TMEM260: variants seen among roughly 807,000 people sequenced by gnomAD.
The protein encoded by TMEM260 is protein O-mannosyl-transferase TMEM260.
In TMEM260, 82 loss-of-function variants were observed where a neutral mutation model predicts 88.9. The observed-to-expected ratio is 0.92, with a 90% confidence interval of 0.77 to 1.11. The LOEUF (loss-of-function observed/expected upper bound fraction) is 1.11. TMEM260 is among the 50% of genes least tolerant of loss of function. TMEM260 has a pLI of 0.00. For synonymous variants in TMEM260, 314 were observed against 309.3 expected (o/e 1.02, Z -0.16); for missense variants, 902 against 853.4 (o/e 1.06, Z -0.71).
chr14:56,619,064 A>G (rs1202813914), intron 10 of TMEM260, among the ~76,000 whole-genome samples: 1 of 152,226 alleles, frequency 6.6e-6, no homozygotes, highest in African/African-American at 2.4e-5. Flanking sequence ...GTAAAATTCC[A>G]TGACCTAAAA....
At position 56,634,944 on chromosome 14, in the gene TMEM260, G is replaced by A; in HGVS notation, c.1770G>A (p.Trp590Ter). 1 of 1,614,052 alleles carries A rather than the reference G, an allele frequency of 6.2e-7. No homozygotes were observed. Among genetic ancestry groups the A allele is most frequent in the Non-Finnish European group, 8.5e-7 (1 of 1,179,958 alleles). Residue 590 changes from tryptophan (W) to a stop codon, truncating the protein, a stop_gained, in exon 14 of 16, where the codon TGG becomes TGA. Coordinates refer to ENST00000261556, the MANE Select transcript of TMEM260 (RefSeq NM_017799.4). LOFTEE classifies it high-confidence loss of function. ...AATCTGTGGCCAATGAAGAAATGTG[G>A]CAAGCGAGGTGACTATTCTACATTT... Reference protein sequence around the residue: ...SWESVANEEMWQARMKTPFFI... With the variant: ...SWESVANEEM
intron 15 of TMEM260, among the ~76,000 whole-genome samples, chr14:56,639,932 G>T (rs992401103): frequency 1.3e-5 from 2 of 152,190 alleles, no homozygotes; most frequent in Admixed American, 1.3e-4. Flanking sequence ...AGCAAGGCTG[G>T]AGGAGGGGTG....
intron 11 of TMEM260, among the ~76,000 whole-genome samples, chr14:56,624,792 G>T (rs953966245): frequency 6.7e-6 from 1 of 148,916 alleles, no homozygotes; most frequent in African/African-American, 2.5e-5. Flanking sequence ...TCTGAAAGTT[G>T]AATACACGTT....
chr14:56,642,673 G>A (rs2139651764), intron 15 of TMEM260, among the ~76,000 whole-genome samples: 1 of 152,250 alleles, frequency 6.6e-6, no homozygotes, highest in Admixed American at 6.5e-5. Context: ...CAGAACTGAA[G>A]GAAATAGAGA....
At chr14:56,643,574 G>A (rs1359775141) in intron 15 of TMEM260, among the ~76,000 whole-genome samples, 1 of 152,026 alleles carries the variant, frequency 6.6e-6, no homozygotes, top group Non-Finnish European at 1.5e-5. Flanking sequence ...GCAAAAACTG[G>A]AAACATTCCC....
At chr14:56,662,332 G>A in the TMEM260 span, among the ~76,000 whole-genome samples, 1 of 152,208 alleles carries the variant, frequency 6.6e-6, no homozygotes, top group Non-Finnish European at 1.5e-5. Flanking sequence ...TGAGGAGGGT[G>A]AAGAGACAGG....
chr14:56,619,928 C>G (rs1322651542), intron 10 of TMEM260, among the ~76,000 whole-genome samples: 1 of 152,114 alleles, frequency 6.6e-6, no homozygotes, highest in Non-Finnish European at 1.5e-5. Flanking sequence ...AAAATGTGGT[C>G]CATATACACC....
rs746027099 is a variant in TMEM260, at chr14:56,621,490, A to G, written c.1227-41A>G. 7 of 1,505,004 alleles carry G rather than the reference A, an allele frequency of 4.7e-6. 1 individual carries two copies. The South Asian group carries it at 7.7e-5, about 17-fold the overall frequency. The allele number at this position is 1,505,004 out of a possible 1,614,324, so 93.2% of individuals were successfully genotyped here. On this transcript the variant is annotated intron_variant, in intron 10 of 15. Transcript: ENST00000261556. ...AGCCTAGTCTTATTAAAACTGTAGCAAAGTGTTGCTATTTTAATTTTTTTG... is the reference window on the plus strand; with the variant it reads ...AGCCTAGTCTTATTAAAACTGTAGCGAAGTGTTGCTATTTTAATTTTTTTG...
chr14:56,634,262 G>A (rs1033310849), intron 13 of TMEM260, among the ~76,000 whole-genome samples: 1 of 152,038 alleles, frequency 6.6e-6, no homozygotes, highest in Non-Finnish European at 1.5e-5. Flanking sequence ...TCTGTCCATA[G>A]AGTGACCTAC....
At chr14:56,589,453 A>G (rs775315562) in intron 3 of TMEM260, among the ~76,000 whole-genome samples, 137 of 152,282 alleles carry the variant, frequency 9.0e-4, no homozygotes, top group Middle Eastern at 6.8e-3. Context: ...AAAGAAAGTA[A>G]TACAAAGTTA....
the TMEM260 span, among the ~76,000 whole-genome samples, chr14:56,659,131 A>G: frequency 6.6e-6 from 1 of 152,212 alleles, no homozygotes; most frequent in East Asian, 1.9e-4. Context: ...GGTTTTGATC[A>G]TTATGTAAGA....
chr14:56,596,191 G>A (rs908328802), intron 3 of TMEM260, among the ~76,000 whole-genome samples: 3 of 151,864 alleles, frequency 2.0e-5, no homozygotes, highest in African/African-American at 4.8e-5. Context: ...AAATAATGGT[G>A]TAAGTAATTT....
At chr14:56,630,803 A>T (rs894253767) in intron 12 of TMEM260, among the ~76,000 whole-genome samples, 1 of 152,138 alleles carries the variant, frequency 6.6e-6, no homozygotes, top group African/African-American at 2.4e-5. Context: ...AATCCCAAGG[A>T]GAATGATGAC....
At chr14:56,635,844 AATAT>A (rs3067786) in intron 14 of TMEM260, among the ~76,000 whole-genome samples, 4 of 150,822 alleles carry the variant, frequency 2.7e-5, no homozygotes, top group Non-Finnish European at 5.9e-5. Flanking sequence ...AATGATTGCA[AATAT>A]ATATATATAT....
chr14:56,600,680 C>T (rs747170503), intron 3 of TMEM260, among the ~76,000 whole-genome samples: 14 of 152,066 alleles, frequency 9.2e-5, no homozygotes, highest in Admixed American at 5.2e-4. Context: ...CTAAATAGTA[C>T]GTGCTCACTA....
chr14:56,617,262 A>AATTT lies in TMEM260; in HGVS notation c.1023_1026dup (p.Asp343PhefsTer37). ...TTCATTGTTCTTTGCTTGGAGAGCA[A>AATTT]ATTTAGATATTTCAAAACCACTTTT... On this transcript the variant is annotated frameshift_variant, in exon 9 of 16. Coordinates refer to ENST00000261556, the MANE Select transcript of TMEM260 (RefSeq NM_017799.4). LOFTEE classifies it high-confidence loss of function. 2 of 1,601,956 alleles carry AATTT rather than the reference A, an allele frequency of 1.2e-6. No individual in the cohort carries two copies. The highest frequency in any genetic ancestry group is 1.7e-6 in the Non-Finnish European group (2 of 1,175,528).
At chr14:56,633,813 C>T (rs887014112) in intron 13 of TMEM260, among the ~76,000 whole-genome samples, 2 of 152,102 alleles carry the variant, frequency 1.3e-5, no homozygotes, top group Non-Finnish European at 2.9e-5. Flanking sequence ...CACACAGAGT[C>T]ACTATCTAAA....
chr14:56,617,157 A>G (rs1887639619), intron 8 of TMEM260, 26 bp from the exon 9 acceptor site: 1 of 1,325,746 alleles, frequency 7.5e-7, no homozygotes, highest in Non-Finnish European at 1.0e-6. Context: ...TAAATATTTT[A>G]GACATATTTT....
At chr14:56,659,682 TTC>T in the TMEM260 span, among the ~76,000 whole-genome samples, 4 of 152,248 alleles carry the variant, frequency 2.6e-5, no homozygotes, top group Non-Finnish European at 5.9e-5. Flanking sequence ...CAGTCCGGGT[TTC>T]TCTCTTCAGG....
Sources: gnomAD v4.1 joint callset for allele counts (sites outside exome capture counted in the v4.1 genomes callset) on GRCh38, gnomAD v4.1.1 for gene constraint, MANE v1.5 for transcripts, NCBI Gene and HGNC (gene_info 2026-07-23, HGNC 2026-07-21) for gene names.